GYS2: variants seen among roughly 807,000 people sequenced by gnomAD.
GYS2 encodes glycogen [starch] synthase, liver.
A neutral mutation model predicts 85.6 loss-of-function variants in GYS2; 80 were observed. That is an observed-to-expected ratio of 0.93 (90% confidence interval 0.78 to 1.13). GYS2 has a LOEUF of 1.13. Among genes scored for constraint, GYS2 ranks in the 50% most tolerant of loss-of-function variants. The probability of loss-of-function intolerance (pLI) is 0.00; values close to 1 mark genes in which losing one functional copy is unlikely to be tolerated. For synonymous variants in GYS2, 328 were observed against 300.7 expected, an observed-to-expected ratio of 1.09 and a Z score of -0.94; for missense variants, 881 against 854.9, an observed-to-expected ratio of 1.03 and a Z score of -0.38.
chr12:21,577,265 A>G (rs1031650777), intron 2 of GYS2, among the ~76,000 whole-genome samples: 1 of 152,226 alleles, frequency 6.6e-6, no homozygotes, highest in Non-Finnish European at 1.5e-5. Flanking sequence ...GTATTTATAC[A>G]CTGTGAATAA....
At chr12:21,574,451 T>C in intron 3 of GYS2, 125 bp from the exon 4 acceptor site, 1 of 710,210 alleles carries the variant, frequency 1.4e-6, no homozygotes, top group Non-Finnish European at 2.5e-6. Flanking sequence ...AGTCGAAACA[T>C]AAAGCATGAA....
chr12:21,563,038 A>G lies in GYS2; in HGVS notation c.942T>C (p.Gly314=). ...IQDFVRGHFY[G]HLDFDLEKTL... Reference sequence around the variant, plus strand: ...TCTTTTCAAGATCAAAGTCGAGATGACTAAAACAAAACAAAACCAAACAGT... The same window carrying G: ...TCTTTTCAAGATCAAAGTCGAGATGGCTAAAACAAAACAAAACCAAACAGT... The change falls in exon 7 of 16, where the codon GGT becomes GGC. Residue 314 remains glycine, a splice_region_variant and synonymous_variant. Coordinates refer to ENST00000261195, the MANE Select transcript of GYS2 (RefSeq NM_021957.4). The G allele has an allele frequency of 6.2e-7, 1 of 1,609,060 alleles. No individual in the cohort carries two copies. The highest frequency in any genetic ancestry group is 8.5e-7 in the Non-Finnish European group (1 of 1,175,646).
downstream of GYS2, among the ~76,000 whole-genome samples, chr12:21,534,227 C>T (rs10770825): frequency 0.29 from 43,805 of 152,062 alleles, 6,869 homozygotes; most frequent in Middle Eastern, 0.43. Context: ...TATCAGTGGG[C>T]TGGCCAGGCA....
In GYS2 at chr12:21,604,545, G is replaced by C. The variant is rs778825182; in HGVS notation, c.48C>G (p.Pro16=). 1.2e-5 allele frequency: 19 copies of C among 1,612,516 alleles called. No homozygotes were observed. Among genetic ancestry groups the C allele is most frequent in the Non-Finnish European group, 1.6e-5 (19 of 1,178,934 alleles). The change falls in exon 1 of 16, where the codon CCC becomes CCG. Residue 16 remains proline, a synonymous_variant. Coordinates refer to ENST00000261195, the MANE Select transcript of GYS2 (RefSeq NM_021957.4). ...CAGGAAGTTCTTCGACTTCCCACTG[G>C]GGAAGCCCACCCAGGGATGTTACAG... The part of the protein sequence containing the change: ...SLSVTSLGGL[P]QWEVEELPVE...
intron 4 of GYS2, among the ~76,000 whole-genome samples, chr12:21,571,437 A>C (rs1944383733): frequency 6.6e-6 from 1 of 152,186 alleles, no homozygotes; most frequent in Non-Finnish European, 1.5e-5. Flanking sequence ...TTTTTTATTG[A>C]ATTCTGGATA....
rs575034555 is a variant in GYS2, at chr12:21,553,731, T to C, written c.1422+4469A>G. Among the ~76,000 whole-genome samples, 14 of 152,256 alleles carry C rather than the reference T, an allele frequency of 9.2e-5. No individual in the cohort carries two copies. In the South Asian group the frequency reaches 2.7e-3, roughly 29 times the overall value. On this transcript the variant is annotated intron_variant, in intron 11 of 15. Transcript: ENST00000261195. ...TTGCTGAATACAGGAAAAAGTGGTA[T>C]GTAGTAACATTAACACTAATATATT...
In GYS2 at chr12:21,544,636, G is replaced by C. The variant is rs935936970; in HGVS notation, c.1549+1708C>G. Among the ~76,000 whole-genome samples, 3 of 152,188 alleles carry C rather than the reference G, an allele frequency of 2.0e-5. No individual in the cohort carries two copies. In the East Asian group the frequency reaches 5.8e-4, roughly 29 times the overall value. ...TGTGCTTTATGTATCTCAAAAGATA[G>C]TGCATTGCAAGCAATTTGAGATATT... is the stretch of plus-strand genomic sequence containing the variant. On this transcript the variant is annotated intron_variant, in intron 12 of 15. Coordinates refer to ENST00000261195, the MANE Select transcript of GYS2 (RefSeq NM_021957.4).
chr12:21,580,362 T>C lies in GYS2; in HGVS notation c.283A>G (p.Met95Val). 7 of 1,613,820 alleles carry C rather than the reference T, an allele frequency of 4.3e-6. No homozygotes were observed. The highest frequency in any genetic ancestry group is 3.4e-6 in the Non-Finnish European group (4 of 1,179,850). ...NDAVRRAVDA[M>V]NKHGCQVHFG... ...TTTACCTGGCAGCCATGCTTATTCA[T>C]TGCGTCCACTGCTCTTCTGACAGCA... Residue 95 changes from methionine to valine, a missense_variant, in exon 2 of 16, where the codon ATG (methionine) becomes GTG (valine). By Grantham distance (21) the Met-to-Val change is conservative (BLOSUM62 1). Coordinates refer to ENST00000261195, the MANE Select transcript of GYS2 (RefSeq NM_021957.4).
chr12:21,539,379 T>A (rs1269201947), intron 14 of GYS2, 41 bp from the exon 15 acceptor site: 1 of 1,039,140 alleles, frequency 9.6e-7, no homozygotes, highest in African/African-American at 1.6e-5. Context: ...TAAAAACCCT[T>A]AGATATCTCA....
In GYS2 at chr12:21,593,179, G is replaced by C. The variant is rs998555393; in HGVS notation, c.121+11293C>G. Among the ~76,000 whole-genome samples, 11 of 151,486 alleles carry C rather than the reference G, an allele frequency of 7.3e-5. No homozygotes were observed. In the South Asian group the frequency reaches 2.1e-3, roughly 29 times the overall value. On this transcript the variant is annotated intron_variant, in intron 1 of 15. Transcript: ENST00000261195. ...AATAAACACTTAAATTAAAAACATA[G>C]AAAGATTTCAAATATATAATCTAAT...
intron 1 of GYS2, among the ~76,000 whole-genome samples, chr12:21,593,718 CT>C (rs1371505185): frequency 6.6e-6 from 1 of 151,940 alleles, no homozygotes; most frequent in Admixed American, 6.5e-5. Flanking sequence ...TCCTTAAATT[CT>C]TTTAAAAATT....
intron 1 of GYS2, among the ~76,000 whole-genome samples, chr12:21,586,564 G>A (rs754212987): frequency 7.9e-5 from 12 of 151,680 alleles, no homozygotes; most frequent in Admixed American, 4.6e-4. Flanking sequence ...GCCAATAAAC[G>A]TCAAAAAAAA....
At chr12:21,542,788 C>G (rs1476221929) in intron 12 of GYS2, among the ~76,000 whole-genome samples, 197 bp from the exon 13 acceptor site, 1 of 152,118 alleles carries the variant, frequency 6.6e-6, no homozygotes, top group Non-Finnish European at 1.5e-5. Context: ...CATCATTATC[C>G]CCATCTTACA....
rs935731758 is a variant in GYS2, at chr12:21,540,595, G to A, written c.1646-22C>T. On this transcript the variant is annotated intron_variant, in intron 13 of 15. Transcript: ENST00000261195. ...ATACCTGAAGAACACAAAAGCCAAA[G>A]CACAAGTAAAAGTAGGACTAACCTT... 3.2e-5 allele frequency: 52 copies of A among 1,608,356 alleles called. No homozygotes were observed. The highest frequency in any genetic ancestry group is 1.0e-4 in the Admixed American group (6 of 59,980).
chr12:21,566,307 A>G (rs1219672579), intron 5 of GYS2, among the ~76,000 whole-genome samples: 1 of 152,164 alleles, frequency 6.6e-6, no homozygotes, highest in Admixed American at 6.5e-5. Flanking sequence ...GGAAGACTTC[A>G]AGAAAAATCA....
At chr12:21,596,584 T>C (rs368503305) in intron 1 of GYS2, among the ~76,000 whole-genome samples, 3 of 152,260 alleles carry the variant, frequency 2.0e-5, no homozygotes, top group Admixed American at 6.5e-5. Context: ...AAAATCAGCA[T>C]ACAAGAGACA....
In GYS2 at chr12:21,540,391, T is replaced by C; in HGVS notation, c.1809+19A>G. On this transcript the variant is annotated intron_variant, in intron 14 of 15. Transcript: ENST00000261195. ...GGAATTTTTTAAGTGGTCTGCTGTG[T>C]TTATCTAAACTTGCTTACTCTGCCT... The C allele has an allele frequency of 6.2e-7, 1 of 1,609,306 alleles. No individual in the cohort carries two copies. Among genetic ancestry groups the C allele is most frequent in the Non-Finnish European group, 8.5e-7 (1 of 1,175,626 alleles).
chr12:21,549,761 C>T (rs1425278910), intron 11 of GYS2, among the ~76,000 whole-genome samples: 1 of 152,108 alleles, frequency 6.6e-6, no homozygotes, highest in Non-Finnish European at 1.5e-5. Context: ...CTTTTCATTG[C>T]ATTTTAATCA....
intron 11 of GYS2, among the ~76,000 whole-genome samples, chr12:21,550,497 T>G (rs1212463150): frequency 6.6e-6 from 1 of 152,178 alleles, no homozygotes; most frequent in Non-Finnish European, 1.5e-5. Flanking sequence ...TGCTCCTCTT[T>G]GTGTAGACAT....
Sources: allele counts gnomAD v4.1 joint callset (sites outside exome capture counted in the v4.1 genomes callset), GRCh38; gene constraint gnomAD v4.1.1; transcripts MANE v1.5; gene names NCBI Gene and HGNC (gene_info 2026-07-23, HGNC 2026-07-21).